Variants in NCSTN observed in about 807,000 individuals in gnomAD.
The protein encoded by NCSTN is nicastrin, also known as anterior pharynx-defective 2.
In NCSTN, 22 loss-of-function variants were observed where a neutral mutation model predicts 87.0. The observed-to-expected ratio is 0.25, with a 90% confidence interval of 0.18 to 0.36. The LOEUF (loss-of-function observed/expected upper bound fraction) is 0.36. NCSTN is among the 10% of genes least tolerant of loss of function. The pLI is 1.00. For synonymous variants in NCSTN, 306 were observed against 327.1 expected (o/e 0.94, Z 0.69); for missense variants, 693 against 883.3 (o/e 0.78, Z 2.73).
chr1:160,350,522 A>G lies in NCSTN; in HGVS notation c.582+272A>G, dbSNP rs138112386. Among the ~76,000 whole-genome samples the G allele has an allele frequency of 2.0e-4, 31 of 152,014 alleles. No individual in the cohort carries two copies. In the South Asian group the frequency reaches 2.9e-3, roughly 14 times the overall value. On this transcript the variant is annotated intron_variant, in intron 5 of 16. Transcript: ENST00000294785. ...TTGGAGGGTGGCTCATTCTTCTGGTACACCTGCTGAAAGACGGTTGCTCCA... is the reference window on the plus strand; with the variant it reads ...TTGGAGGGTGGCTCATTCTTCTGGTGCACCTGCTGAAAGACGGTTGCTCCA...
chr1:160,358,153 T>A lies in NCSTN; in HGVS notation c.2012T>A (p.Ile671Asn). The A allele has an allele frequency of 6.2e-7, 1 of 1,614,148 alleles. No individual in the cohort carries two copies. The highest frequency in any genetic ancestry group is 1.7e-5 in the Admixed American group (1 of 60,016). ...FLIASKELELITLTVGFGILI... is the reference protein window; with the variant it reads ...FLIASKELELNTLTVGFGILI... ...CTGCCCTCCCTCCCCCTGCAGTTGA[T>A]CACCCTGACAGTGGGCTTCGGCATC... Residue 671 changes from isoleucine (I) to asparagine (N), a missense_variant, in exon 17 of 17, where the codon ATC (isoleucine) becomes AAC (asparagine). Transcript: ENST00000294785.
At position 160,345,043 on chromosome 1, in the gene NCSTN, A is replaced by G. The variant is rs894880965; in HGVS notation, c.190+217A>G. The G allele has an allele frequency of 6.5e-6, 4 of 613,248 alleles. No homozygotes were observed. The African/African-American group carries it at 7.3e-5, about 11-fold the overall frequency. The allele number at this position is 613,248 out of a possible 1,614,324, so 38.0% of individuals were successfully genotyped here. On this transcript the variant is annotated intron_variant, in intron 2 of 16. Transcript: ENST00000294785. Reference sequence around the variant, plus strand: ...GCTTTTTACATGTGCATCTCATACAACCCCAACCACAACCCCACAAAATAG... The same window carrying G: ...GCTTTTTACATGTGCATCTCATACAGCCCCAACCACAACCCCACAAAATAG...
In NCSTN at chr1:160,353,243, C is replaced by T. The variant is rs1447007182; in HGVS notation, c.1179+6C>T. ...ATGAGTCTGTACGGAACCAGGTAAC[C>T]TGAGCATCTCCCCTCATTTCCTATT... is the stretch of plus-strand genomic sequence containing the variant. On this transcript the variant is annotated splice_donor_region_variant and intron_variant, in intron 10 of 16. Coordinates refer to ENST00000294785, the MANE Select transcript of NCSTN (RefSeq NM_015331.3). 1.2e-6 allele frequency: 2 copies of T among 1,614,000 alleles called. No homozygotes were observed. Among genetic ancestry groups the T allele is most frequent in the Non-Finnish European group, 1.7e-6 (2 of 1,180,018 alleles).
rs16831883 is a variant in NCSTN at position 160,356,041 on chromosome 1, T to C, written c.1551+83T>C. The C allele has an allele frequency of 3.7e-3, 4,925 of 1,339,178 alleles. 145 individuals are homozygous for C. In the African/African-American group the frequency reaches 0.062, roughly 17 times the overall value. The allele number at this position is 1,339,178 out of a possible 1,614,324, so 83.0% of individuals were successfully genotyped here. On this transcript the variant is annotated intron_variant, in intron 13 of 16. Transcript: ENST00000294785. ...TCCCTTGCCCTAGTGTCCCAAACCTTGGAATTCCACATGACTGTTGATGCC... is the reference window on the plus strand; with the variant it reads ...TCCCTTGCCCTAGTGTCCCAAACCTCGGAATTCCACATGACTGTTGATGCC...
chr1:160,344,198 C>T (rs369349151), intron 1 of NCSTN, among the ~76,000 whole-genome samples: 1 of 151,970 alleles, frequency 6.6e-6, no homozygotes, highest in East Asian at 1.9e-4. Context: ...TTTTAAGGAT[C>T]CTCAAAGGAG....
At chr1:160,356,028 G>A in intron 13 of NCSTN, 70 bp downstream of exon 13, 1 of 1,427,578 alleles carries the variant, frequency 7.0e-7, no homozygotes. Flanking sequence ...CCTTGCCCTA[G>A]TGTCCCAAAC....
Position 160,343,464 on chromosome 1 carries a change from T to G in NCSTN, c.68T>G (p.Phe23Cys), listed in dbSNP as rs1648216643. 6.2e-7 allele frequency: 1 copy of G among 1,610,582 alleles called. No individual in the cohort carries two copies. The highest frequency in any genetic ancestry group is 8.5e-7 in the Non-Finnish European group (1 of 1,178,966). The change falls in exon 1 of 17, where the codon TTC (phenylalanine) becomes TGC (cysteine). Residue 23 changes from phenylalanine (F) to cysteine (C), a missense_variant. Physicochemically the swap from Phe to Cys is radical, Grantham distance 205. This residue lies in a region of NCSTN where 235 missense variants were observed against 233.9 expected (regional missense o/e 1.00). Coordinates refer to ENST00000294785, the MANE Select transcript of NCSTN (RefSeq NM_015331.3). ...GSRGLLRLLS[F>C]CVLLAGLCRG... ...CGGGGTCTCCTTCGCCTTCTGTCTTTCTGCGTCCTACTAGCAGGTGAGGCC... is the reference window on the plus strand; with the variant it reads ...CGGGGTCTCCTTCGCCTTCTGTCTTGCTGCGTCCTACTAGCAGGTGAGGCC...
chr1:160,347,486 C>T (rs935839639), intron 2 of NCSTN, among the ~76,000 whole-genome samples: 4 of 152,120 alleles, frequency 2.6e-5, no homozygotes, highest in South Asian at 2.1e-4. Flanking sequence ...TCATTGAAGG[C>T]GCAGAGAAAA....
chr1:160,358,187 C>A lies in NCSTN; in HGVS notation c.2046C>A (p.Phe682Leu). ...TLTVGFGILI[F>L]SLIVTYCINA... ...CAGTGGGCTTCGGCATCCTCATCTT[C>A]TCCCTCATCGTCACCTACTGCATCA... The change falls in exon 17 of 17, where the codon TTC becomes TTA. Residue 682 changes from phenylalanine (F) to leucine (L), a missense_variant. This residue lies in a region of NCSTN where 216 missense variants were observed against 311.7 expected (regional missense o/e 0.69). Coordinates refer to ENST00000294785, the MANE Select transcript of NCSTN (RefSeq NM_015331.3). The A allele has an allele frequency of 6.2e-7, 1 of 1,614,192 alleles. No individual in the cohort carries two copies. The highest frequency in any genetic ancestry group is 8.5e-7 in the Non-Finnish European group (1 of 1,180,034).
intron 5 of NCSTN, 69 bp downstream of exon 5, chr1:160,350,319 G>T (rs1201069843): frequency 6.3e-7 from 1 of 1,578,528 alleles, no homozygotes; most frequent in Non-Finnish European, 8.7e-7. Context: ...AGGTGTGGTG[G>T]TGTGTGCACG....
At chr1:160,350,455 A>C (rs1214010084) in intron 5 of NCSTN, among the ~76,000 whole-genome samples, 4 of 39,832 alleles carry the variant, frequency 1.0e-4, no homozygotes, top group African/African-American at 1.6e-4. Flanking sequence ...CTGTGTCACA[A>C]AAAAAAAAAA....
chr1:160,355,954 A>G lies in NCSTN; in HGVS notation c.1547A>G (p.Gln516Arg). 3 of 1,612,540 alleles carry G rather than the reference A, an allele frequency of 1.9e-6. No homozygotes were observed. The highest frequency in any genetic ancestry group is 2.5e-6 in the Non-Finnish European group (3 of 1,178,632). Reference sequence around the variant, plus strand: ...AGCGACACAGTTCAGGCTGATCCCCAAACGGTAAGCAGATGGGCCCTAGCT... The same window carrying G: ...AGCGACACAGTTCAGGCTGATCCCCGAACGGTAAGCAGATGGGCCCTAGCT... ...NFSDTVQADPQTVTRLLYGFL... is the reference protein window; with the variant it reads ...NFSDTVQADPRTVTRLLYGFL... The change falls in exon 13 of 17, where the codon CAA (glutamine) becomes CGA (arginine). Residue 516 changes from glutamine to arginine, a missense_variant. Coordinates refer to ENST00000294785, the MANE Select transcript of NCSTN (RefSeq NM_015331.3).
chr1:160,349,245 GT>G (rs1213644129), intron 3 of NCSTN, 123 bp downstream of exon 3: 11 of 1,351,748 alleles, frequency 8.1e-6, no homozygotes, highest in Non-Finnish European at 5.2e-6. Flanking sequence ...AGAGGGCAGG[GT>G]GGTCCTCAGA....
chr1:160,351,862 C>T (rs1265489650), intron 7 of NCSTN, 57 bp downstream of exon 7: 1 of 1,485,146 alleles, frequency 6.7e-7, no homozygotes, highest in Admixed American at 1.7e-5. Flanking sequence ...AGCTGGTAGG[C>T]CCCGCTCTAG....
At position 160,354,205 on chromosome 1, in the gene NCSTN, C is replaced by T. The variant is rs773118137; in HGVS notation, c.1267C>T (p.Pro423Ser). Reference protein sequence around the residue: ...LRRPNQSQPLPPSSLQRFLRA... With the variant: ...LRRPNQSQPLSPSSLQRFLRA... The stretch of plus-strand genomic sequence containing the variant: ...GAGGCCAAATCAGTCCCAGCCTCTC[C>T]CACCATCTTCCCTGCAGCGATTTCT... Residue 423 changes from proline (P) to serine (S), a missense_variant, in exon 11 of 17, where the codon CCA becomes TCA. Pro to Ser is a moderately conservative substitution (Grantham distance 74). Transcript: ENST00000294785. The T allele has an allele frequency of 1.2e-6, 2 of 1,614,166 alleles. No homozygotes were observed. The highest frequency in any genetic ancestry group is 1.1e-5 in the South Asian group (1 of 91,086).
In NCSTN at chr1:160,349,105, G is replaced by C; in HGVS notation, c.297G>C (p.Glu99Asp). The stretch of plus-strand genomic sequence containing the variant: ...ACCCCCCTTACATGGTTCTGCTGGA[G>C]AGCAAGCATTTTACCAGGTAAGAAC... Reference protein sequence around the residue: ...GPNPPYMVLLESKHFTRDLME... With the variant: ...GPNPPYMVLLDSKHFTRDLME... Residue 99 changes from glutamate (E) to aspartate (D), a missense_variant, in exon 3 of 17, where the codon GAG becomes GAC. Physicochemically the swap from Glu to Asp is conservative, Grantham distance 45. This residue lies in a region of NCSTN where 235 missense variants were observed against 233.9 expected (regional missense o/e 1.00). Coordinates refer to ENST00000294785, the MANE Select transcript of NCSTN (RefSeq NM_015331.3). The C allele has an allele frequency of 1.2e-6, 2 of 1,614,192 alleles. No homozygotes were observed. Among genetic ancestry groups the C allele is most frequent in the Non-Finnish European group, 1.7e-6 (2 of 1,180,018 alleles).
chr1:160,351,852 A>G, intron 7 of NCSTN, 47 bp downstream of exon 7: 1 of 1,522,030 alleles, frequency 6.6e-7, no homozygotes, highest in Non-Finnish European at 9.1e-7. Context: ...GCACAAAAAG[A>G]GCTGGTAGGC....
At chr1:160,344,125 C>G (rs1648299755) in intron 1 of NCSTN, among the ~76,000 whole-genome samples, 1 of 152,026 alleles carries the variant, frequency 6.6e-6, no homozygotes, top group Admixed American at 6.6e-5. Flanking sequence ...TTTAGTTGGT[C>G]AAGCCCTAAA....
chr1:160,356,550 C>G (rs1649137192), intron 14 of NCSTN, 50 bp from the exon 15 acceptor site: 1 of 1,609,586 alleles, frequency 6.2e-7, no homozygotes, highest in Non-Finnish European at 8.5e-7. Flanking sequence ...TTTCCTATTT[C>G]ACCCACCATC....
Sources: gnomAD v4.1 joint callset for allele counts (sites outside exome capture counted in the v4.1 genomes callset) on GRCh38, gnomAD v4.1.1 for gene constraint, gnomAD v4.1.1 regional missense constraint, MANE v1.5 for transcripts, NCBI Gene and HGNC (gene_info 2026-07-23, HGNC 2026-07-21) for gene names.